The following SHISA7 variants were observed in gnomAD, a reference collection of about 807,000 sequenced individuals.
SHISA7 encodes protein shisa-7.
SHISA7 carries 6 observed loss-of-function variants against 23.9 expected under a neutral mutation model. That is an observed-to-expected ratio of 0.25 (90% CI 0.14 to 0.50). The LOEUF (loss-of-function observed/expected upper bound fraction) is 0.50. SHISA7 is among the 20% of genes least tolerant of loss of function. The probability of loss-of-function intolerance (pLI) is 0.98; values close to 1 mark genes in which losing one functional copy is unlikely to be tolerated. For synonymous variants in SHISA7, 386 were observed against 398.3 expected, an observed-to-expected ratio of 0.97 and a Z score of 0.37; for missense variants, 671 against 801.1, an observed-to-expected ratio of 0.84 and a Z score of 1.96.
intron 1 of SHISA7, among the ~76,000 whole-genome samples, chr19:55,441,617 C>A (rs185782364): frequency 1.3e-5 from 2 of 152,368 alleles, no homozygotes; most frequent in African/African-American, 4.8e-5. Context: ...CCCTCTCTCT[C>A]AACACTTTCC....
At chr19:55,434,057 G>A (rs1197415734) in intron 3 of SHISA7, among the ~76,000 whole-genome samples, 3 of 152,176 alleles carry the variant, frequency 2.0e-5, no homozygotes, top group African/African-American at 7.2e-5. Flanking sequence ...TTGCTTTTGG[G>A]GAACCACTGA....
At chr19:55,434,849 GC>G (rs1307234219) in intron 3 of SHISA7, among the ~76,000 whole-genome samples, 1 of 95,014 alleles carries the variant, frequency 1.1e-5, no homozygotes. Flanking sequence ...GTGTGTGTGT[GC>G]GTGTGTGTAT....
At chr19:55,440,822 A>G in intron 1 of SHISA7, 57 bp from the exon 2 acceptor site, 1 of 1,231,292 alleles carries the variant, frequency 8.1e-7, no homozygotes, top group Non-Finnish European at 1.0e-6. Context: ...CAGGGGTACC[A>G]GGAAGGCTTC....
rs913761510 is a variant in SHISA7, at chr19:55,433,779, C to G, written c.994G>C (p.Glu332Gln). 7.0e-7 allele frequency: 1 copy of G among 1,425,730 alleles called. No individual in the cohort carries two copies. The highest frequency in any genetic ancestry group is 9.1e-7 in the Non-Finnish European group (1 of 1,098,894). The allele number at this position is 1,425,730 out of a possible 1,614,324, so 88.3% of individuals were successfully genotyped here. Residue 332 changes from glutamate (E) to glutamine (Q), a missense_variant, in exon 4 of 4, where the codon GAG becomes CAG. Glu to Gln is a conservative substitution (Grantham distance 29). Coordinates refer to ENST00000376325, the MANE Select transcript of SHISA7 (RefSeq NM_001145176.2). This position sits in a 1 kb window ranked among gnomAD's most constrained non-coding sequence, Gnocchi z 8.4. ...AGGGGCCGGCGCTTCAGGTAGGCCT[C>G]GTCCAGATCCTTCTCGGCTGCGGGG... ...LKRLAEKDLD[E>Q]AYLKRRPLEL...
rs1187597280 is a variant in SHISA7 at position 55,433,213 on chromosome 19, C to G, written c.1560G>C (p.Pro520=). 4 of 1,529,040 alleles carry G rather than the reference C, an allele frequency of 2.6e-6. No homozygotes were observed. Among genetic ancestry groups the G allele is most frequent in the South Asian group, 1.2e-5 (1 of 83,788 alleles). The allele number at this position is 1,529,040 out of a possible 1,614,324, so 94.7% of individuals were successfully genotyped here. A position where few individuals can be genotyped will look rare whatever the true frequency, so the allele number is the denominator to read the frequency against. Residue 520 remains proline, a synonymous_variant, in exon 4 of 4, where the codon CCG becomes CCC. Transcript: ENST00000376325. The surrounding 1 kb of genome is among the most constrained non-coding windows in gnomAD (Gnocchi z 8.4). Reference sequence around the variant, plus strand: ...GCAGGTGCTGGGGCAGGTGGTGGCCCGGGATGAACTGCAGCTGCTCCAGCG... The same window carrying G: ...GCAGGTGCTGGGGCAGGTGGTGGCCGGGGATGAACTGCAGCTGCTCCAGCG... The part of the protein sequence containing the change: ...QGTLEQLQFI[P]GHHLPQHLRT...
In SHISA7 at chr19:55,440,700, C is replaced by A. The variant is rs1985580266; in HGVS notation, c.737G>T (p.Ser246Ile). 2 of 1,249,264 alleles carry A rather than the reference C, an allele frequency of 1.6e-6. No homozygotes were observed. The highest frequency in any genetic ancestry group is 4.2e-5 in the Admixed American group (1 of 23,722). 77.4% of individuals were successfully genotyped at this position (1,249,264 alleles called of 1,614,324 possible). The change falls in exon 2 of 4, where the codon AGC becomes ATC. Residue 246 changes from serine (S) to isoleucine (I), a missense_variant. Ser to Ile is a moderately radical substitution (Grantham distance 142). This residue lies in a region of SHISA7 where 457 missense variants were observed against 488.3 expected (regional missense o/e 0.94). Coordinates refer to ENST00000376325, the MANE Select transcript of SHISA7 (RefSeq NM_001145176.2). ...ACCGCCGATCCCCGGGGTCAGGGAGCTGCTTCGGGCCCGGTCCGGGCGGGT... is the reference window on the plus strand; with the variant it reads ...ACCGCCGATCCCCGGGGTCAGGGAGATGCTTCGGGCCCGGTCCGGGCGGGT... ...PGTRPDRARS[S>I]SLTPGIGGPD...
rs572603095 is a variant in SHISA7 at position 55,442,910 on chromosome 19, G to A, written c.-47C>T. On this transcript the variant is annotated 5_prime_UTR_variant, in exon 1 of 4. Transcript: ENST00000376325. ...TGGGCCGCCAGGCTGCGGGGAGAACGAGAGCAGAGGTTGGAGCGCTGGGCG... is the reference window on the plus strand; with the variant it reads ...TGGGCCGCCAGGCTGCGGGGAGAACAAGAGCAGAGGTTGGAGCGCTGGGCG... 55 of 1,180,732 alleles carry A rather than the reference G, an allele frequency of 4.7e-5. No individual in the cohort carries two copies. The highest frequency in any genetic ancestry group is 5.4e-5 in the Non-Finnish European group (51 of 946,562). The allele number at this position is 1,180,732 out of a possible 1,614,324, so 73.1% of individuals were successfully genotyped here. A position where few individuals can be genotyped will look rare whatever the true frequency, so the allele number is the denominator to read the frequency against.
Position 55,433,662 on chromosome 19 carries a change from C to T in SHISA7, c.1111G>A (p.Glu371Lys). ...TTGGGCGCGGGCGCCAGGCCCAGCT[C>T]CTCTGGGCCGCCCCAGGCCTCCATG... ...YRMEAWGGPE[E>K]LGLAPAPNPR... is the part of the protein sequence containing the mutation. The change falls in exon 4 of 4, where the codon GAG becomes AAG. Residue 371 changes from glutamate (E) to lysine (K), a missense_variant. Around this residue, in one of 5 missense-constraint regions of SHISA7, gnomAD observed 457 missense variants for 488.3 expected, o/e 0.94. Transcript: ENST00000376325. This position sits in a 1 kb window ranked among gnomAD's most constrained non-coding sequence, Gnocchi z 8.4. 4.0e-6 allele frequency: 6 copies of T among 1,490,408 alleles called. No homozygotes were observed. Among genetic ancestry groups the T allele is most frequent in the East Asian group, 2.9e-5 (1 of 34,752 alleles). 92.3% of individuals were successfully genotyped at this position (1,490,408 alleles called of 1,614,324 possible). A position where few individuals can be genotyped will look rare whatever the true frequency, so the allele number is the denominator to read the frequency against.
At position 55,437,694 on chromosome 19, in the gene SHISA7, C is replaced by G; in HGVS notation, c.887G>C (p.Arg296Pro). The G allele has an allele frequency of 6.4e-7, 1 of 1,551,458 alleles. No homozygotes were observed. Among genetic ancestry groups the G allele is most frequent in the South Asian group, 1.2e-5 (1 of 84,060 alleles). ...SLHYSTLSCS[R>P]SFHNLSHLPP... ...CAGATGCGAGAGGTTGTGGAAGGACCGAGAGCAGGACAGCGTGGAGTAGTG... is the reference window on the plus strand; with the variant it reads ...CAGATGCGAGAGGTTGTGGAAGGACGGAGAGCAGGACAGCGTGGAGTAGTG... The change falls in exon 3 of 4, where the codon CGG becomes CCG. Residue 296 changes from arginine (R) to proline (P), a missense_variant. Around this residue, in one of 5 missense-constraint regions of SHISA7, gnomAD observed 457 missense variants for 488.3 expected, o/e 0.94. Coordinates refer to ENST00000376325, the MANE Select transcript of SHISA7 (RefSeq NM_001145176.2).
At chr19:55,438,879 C>T (rs988399136) in intron 2 of SHISA7, among the ~76,000 whole-genome samples, 1 of 137,960 alleles carries the variant, frequency 7.2e-6, no homozygotes, top group Non-Finnish European at 1.6e-5. Flanking sequence ...CACCCCCCCC[C>T]CTGGTGCCCA....
In SHISA7 at chr19:55,442,808, G is replaced by T. The variant is rs1372356411; in HGVS notation, c.56C>A (p.Ala19Glu). The T allele has an allele frequency of 1.5e-6, 2 of 1,366,466 alleles. No homozygotes were observed. Among genetic ancestry groups the T allele is most frequent in the Non-Finnish European group, 1.9e-6 (2 of 1,060,634 alleles). The allele number at this position is 1,366,466 out of a possible 1,614,324, so 84.6% of individuals were successfully genotyped here. The change falls in exon 1 of 4, where the codon GCG (alanine) becomes GAG (glutamate). Residue 19 changes from alanine (A) to glutamate (E), a missense_variant. Ala to Glu is a moderately radical substitution (Grantham distance 107, BLOSUM62 -1). This residue lies in a region of SHISA7 where 96 missense variants were observed against 113.1 expected (regional missense o/e 0.85). Transcript: ENST00000376325. ...LLASSAGQAR[A>E]RPSNATSAEP... ...GGCGCTCGTGGCGTTGGACGGGCGC[G>T]CCCTGGCCTGGCCGGCGCTAGAGGC... is the stretch of plus-strand genomic sequence containing the variant.
In SHISA7 at chr19:55,433,153, G is replaced by A; in HGVS notation, c.*3C>T. The A allele has an allele frequency of 6.6e-7, 1 of 1,519,870 alleles. No individual in the cohort carries two copies. Among genetic ancestry groups the A allele is most frequent in the Non-Finnish European group, 8.8e-7 (1 of 1,138,858 alleles). 94.1% of individuals were successfully genotyped at this position (1,519,870 alleles called of 1,614,324 possible). A position where few individuals can be genotyped will look rare whatever the true frequency, so the allele number is the denominator to read the frequency against. On this transcript the variant is annotated 3_prime_UTR_variant, in exon 4 of 4. Transcript: ENST00000376325. The surrounding 1 kb of genome is among the most constrained non-coding windows in gnomAD (Gnocchi z 8.4). ...CCGCAGCCCCCCAGACCCGGCCCTGGCCTCAGACAGTCACCTCGTTCTTGC... is the reference window on the plus strand; with the variant it reads ...CCGCAGCCCCCCAGACCCGGCCCTGACCTCAGACAGTCACCTCGTTCTTGC...
At position 55,430,735 on chromosome 19, in the gene SHISA7, T is replaced by G. The variant is rs1268240466; in HGVS notation, c.*2421A>C. ...TGGATGGTGACAGCACTGGACCTCA[T>G]GGATCACGGATGATGACACCAGGGT... On this transcript the variant is annotated 3_prime_UTR_variant, in exon 4 of 4. Transcript: ENST00000376325. 2 of 140,864 alleles carry G rather than the reference T, an allele frequency of 1.4e-5. No homozygotes were observed. The highest frequency in any genetic ancestry group is 3.0e-5 in the Non-Finnish European group (2 of 66,312). The allele number at this position is 140,864 out of a possible 1,614,324, so 8.7% of individuals were successfully genotyped here.
intron 2 of SHISA7, among the ~76,000 whole-genome samples, chr19:55,438,803 G>A (rs1019317749): frequency 1.3e-5 from 2 of 152,134 alleles, no homozygotes; most frequent in African/African-American, 4.8e-5. Flanking sequence ...GAGGCTGGGG[G>A]TCTTGAAGGT....
At chr19:55,436,379 T>A (rs1166396421) in intron 3 of SHISA7, among the ~76,000 whole-genome samples, 1 of 148,744 alleles carries the variant, frequency 6.7e-6, no homozygotes, top group Non-Finnish European at 1.5e-5. Context: ...CCGATGTGGG[T>A]GGATCACAAG....
chr19:55,437,493 G>A, intron 3 of SHISA7, 112 bp downstream of exon 3: 2 of 1,316,132 alleles, frequency 1.5e-6, no homozygotes. Flanking sequence ...GTAAAACCTG[G>A]GAGAGAAGCT....
chr19:55,436,819 G>A (rs1018962546), intron 3 of SHISA7, among the ~76,000 whole-genome samples: 4 of 152,188 alleles, frequency 2.6e-5, no homozygotes, highest in African/African-American at 7.2e-5. Context: ...TGACGTGGGA[G>A]GATCATGCTT....
chr19:55,442,183 G>A lies in SHISA7; in HGVS notation c.671+10C>T, dbSNP rs761494163. ...AGGCTCGCAGTCCTCCCGCCCGAGAGCACACGCACCTGGGCACGTTGATAT... is the reference window on the plus strand; with the variant it reads ...AGGCTCGCAGTCCTCCCGCCCGAGAACACACGCACCTGGGCACGTTGATAT... On this transcript the variant is annotated intron_variant, in intron 1 of 3. Coordinates refer to ENST00000376325, the MANE Select transcript of SHISA7 (RefSeq NM_001145176.2). The A allele has an allele frequency of 2.6e-6, 4 of 1,530,162 alleles. No individual in the cohort carries two copies. The highest frequency in any genetic ancestry group is 2.8e-5 in the African/African-American group (2 of 72,444). The allele number at this position is 1,530,162 out of a possible 1,614,324, so 94.8% of individuals were successfully genotyped here.
chr19:55,435,630 G>A (rs1985442349), intron 3 of SHISA7, among the ~76,000 whole-genome samples: 1 of 150,346 alleles, frequency 6.7e-6, no homozygotes, highest in South Asian at 2.1e-4. Flanking sequence ...TAAGCATGGT[G>A]GCTCATGCTT....
Sources: allele counts gnomAD v4.1 joint callset (sites outside exome capture counted in the v4.1 genomes callset), GRCh38; gene constraint gnomAD v4.1.1; regional missense constraint gnomAD v4.1.1; non-coding constraint Gnocchi (gnomAD v3.1); transcripts MANE v1.5; gene names NCBI Gene and HGNC (gene_info 2026-07-23, HGNC 2026-07-21).